RORA: variants seen among roughly 807,000 people sequenced by gnomAD.
RORA encodes RAR related orphan receptor A, also known as nuclear receptor ROR-alpha.
RORA carries 7 observed loss-of-function variants against 69.5 expected under a neutral mutation model. That is an observed-to-expected ratio of 0.10 (90% CI 0.06 to 0.19). RORA has a LOEUF of 0.19. Among genes scored for constraint, RORA ranks in the 10% least tolerant of loss-of-function variants. The pLI is 1.00. For synonymous variants in RORA, 261 were observed against 240.8 expected, an observed-to-expected ratio of 1.08 and a Z score of -0.78; for missense variants, 457 against 663.0, an observed-to-expected ratio of 0.69 and a Z score of 3.41.
chr15:61,135,338 TAATAATA>T (rs943887696), intron 1 of RORA, among the ~76,000 whole-genome samples: 2 of 151,278 alleles, frequency 1.3e-5, no homozygotes, highest in African/African-American at 4.9e-5. Context: ...CTCAAAATAA[TAATAATA>T]AATAAATTTA....
chr15:61,167,867 C>T (rs2079551516), intron 1 of RORA, among the ~76,000 whole-genome samples: 2 of 152,218 alleles, frequency 1.3e-5, no homozygotes, highest in African/African-American at 4.8e-5. Flanking sequence ...GTATTACAGC[C>T]ACACTTCAAT....
chr15:60,529,330 A>G (rs1224252511), intron 3 of RORA: 1 of 152,074 alleles, frequency 6.6e-6, no homozygotes, highest in African/African-American at 2.4e-5. Context: ...TAAATAATTA[A>G]CATAAAATGG....
chr15:60,798,795 C>A (rs2072536096), intron 1 of RORA, among the ~76,000 whole-genome samples: 1 of 152,080 alleles, frequency 6.6e-6, no homozygotes, highest in Non-Finnish European at 1.5e-5. Flanking sequence ...CTCTCTGACC[C>A]CTAATTTCCT....
chr15:61,026,351 A>G (rs1434865799), intron 1 of RORA, among the ~76,000 whole-genome samples: 1 of 152,206 alleles, frequency 6.6e-6, no homozygotes, highest in Non-Finnish European at 1.5e-5. Context: ...TATATCTGCT[A>G]TTTTGGGATG....
At chr15:61,029,318 G>T (rs1228105299) in intron 1 of RORA, among the ~76,000 whole-genome samples, 2 of 152,138 alleles carry the variant, frequency 1.3e-5, no homozygotes, top group Non-Finnish European at 1.5e-5. Context: ...GAAAAAAAAG[G>T]CCAGGGAGGA....
At chr15:60,698,109 GT>G (rs1362540991) in intron 1 of RORA, among the ~76,000 whole-genome samples, 2 of 152,176 alleles carry the variant, frequency 1.3e-5, no homozygotes, top group Non-Finnish European at 2.9e-5. Context: ...ATTGTATCAA[GT>G]CTCAGTTTCA....
At chr15:60,627,132 G>T in intron 2 of RORA, 1 of 946,454 alleles carries the variant, frequency 1.1e-6, no homozygotes. Flanking sequence ...TCACTCGTCA[G>T]ATATTCTTGG....
intron 1 of RORA, among the ~76,000 whole-genome samples, chr15:61,198,063 G>A (rs1006233347): frequency 6.6e-6 from 1 of 152,174 alleles, no homozygotes; most frequent in Non-Finnish European, 1.5e-5. Flanking sequence ...AACAGGGCCA[G>A]ACTAGAGGAA....
At chr15:60,826,488 G>A (rs1303381498) in intron 1 of RORA, among the ~76,000 whole-genome samples, 1 of 152,146 alleles carries the variant, frequency 6.6e-6, no homozygotes, top group Non-Finnish European at 1.5e-5. Flanking sequence ...GACTGAGGCA[G>A]CCCAGGCCAT....
intron 1 of RORA, among the ~76,000 whole-genome samples, chr15:61,013,779 C>CTT (rs3053960): frequency 7.3e-4 from 52 of 70,894 alleles, no homozygotes; most frequent in African/African-American, 1.1e-3. Context: ...ACTGGGTTGG[C>CTT]TTTTTTTTTT....
intron 1 of RORA, among the ~76,000 whole-genome samples, chr15:60,900,914 C>A (rs1331768759): frequency 6.6e-6 from 1 of 152,030 alleles, no homozygotes; most frequent in Non-Finnish European, 1.5e-5. Flanking sequence ...ATATGGCCTT[C>A]CTCCTAGGTT....
intron 1 of RORA, among the ~76,000 whole-genome samples, chr15:60,796,421 T>A (rs964288339): frequency 1.3e-5 from 2 of 151,952 alleles, no homozygotes. Flanking sequence ...CCTCTGAAAA[T>A]CTTTAAACTA....
chr15:60,666,582 C>G (rs1229129336), intron 2 of RORA, among the ~76,000 whole-genome samples: 1 of 152,098 alleles, frequency 6.6e-6, no homozygotes, highest in African/African-American at 2.4e-5. Flanking sequence ...ACTGTGGGGG[C>G]TGCAGCAATT....
At chr15:61,140,221 T>C (rs968413784) in intron 1 of RORA, among the ~76,000 whole-genome samples, 3 of 152,212 alleles carry the variant, frequency 2.0e-5, no homozygotes, top group Non-Finnish European at 4.4e-5. Context: ...ACTCGCCTTA[T>C]GTATACGCAG....
chr15:60,842,516 A>T (rs550986076), intron 1 of RORA, among the ~76,000 whole-genome samples: 2 of 152,338 alleles, frequency 1.3e-5, no homozygotes, highest in Admixed American at 6.5e-5. Context: ...ATGAAGTTTC[A>T]TTACTTGCAC....
At chr15:61,137,093 A>G (rs142532796) in intron 1 of RORA, among the ~76,000 whole-genome samples, 27 of 148,956 alleles carry the variant, frequency 1.8e-4, no homozygotes, top group African/African-American at 6.7e-4. Context: ...GAAAGAAAGA[A>G]AGAAAGAAAA....
chr15:60,880,526 C>T (rs2073667438), intron 1 of RORA, among the ~76,000 whole-genome samples: 1 of 152,192 alleles, frequency 6.6e-6, no homozygotes, highest in Non-Finnish European at 1.5e-5. Context: ...GTAATCCTAG[C>T]TACTCAGCAG....
At chr15:60,763,998 G>GGAA (rs1237936352) in intron 1 of RORA, 1 of 152,090 alleles carries the variant, frequency 6.6e-6, no homozygotes, top group Non-Finnish European at 1.5e-5. Flanking sequence ...CTCTCACTAG[G>GGAA]GAAGACACTT....
In RORA at chr15:60,956,099, C is replaced by T. The variant is rs146868602; in HGVS notation, c.166+272954G>A. ...TTGTAACAAAAAGAAGCAGGGCAAG[C>T]AGATTCTCTTGCTGGAAATTTAATA... On this transcript the variant is annotated intron_variant, in intron 1 of 10. Coordinates refer to ENST00000335670, the MANE Select transcript of RORA (RefSeq NM_134261.3). Among the ~76,000 whole-genome samples, 1,428 of 152,296 alleles carry T rather than the reference C, an allele frequency of 9.4e-3. 31 individuals are homozygous for T. The highest frequency in any genetic ancestry group is 0.033 in the African/African-American group (1,380 of 41,548).
Sources: allele counts gnomAD v4.1 joint callset (sites outside exome capture counted in the v4.1 genomes callset), GRCh38; gene constraint gnomAD v4.1.1; transcripts MANE v1.5; gene names NCBI Gene and HGNC (gene_info 2026-07-23, HGNC 2026-07-21).